NDST3: variants seen among roughly 807,000 people sequenced by gnomAD.
The protein encoded by NDST3 is N-deacetylase and N-sulfotransferase 3, also known as bifunctional heparan sulfate N-deacetylase/N-sulfotransferase 3.
A neutral mutation model predicts 96.1 loss-of-function variants in NDST3; 58 were observed. The ratio of observed to expected loss-of-function variants is 0.60; its 90% CI spans 0.49 to 0.75. The LOEUF (loss-of-function observed/expected upper bound fraction) is 0.75, where lower values mean the gene tolerates loss of function less well. Ranked by LOEUF, NDST3 falls within the 30% of genes least tolerant of loss-of-function variation. NDST3 has a pLI of 0.00. For missense variants in NDST3, 788 were observed against 1,034.2 expected, an observed-to-expected ratio of 0.76 and a Z score of 3.27; for synonymous variants, 333 against 359.7, an observed-to-expected ratio of 0.93 and a Z score of 0.84.
intron 6 of NDST3, among the ~76,000 whole-genome samples, chr4:118,201,121 T>C (rs1176748962): frequency 6.6e-6 from 1 of 152,216 alleles, no homozygotes; most frequent in Non-Finnish European, 1.5e-5. Flanking sequence ...ATGATTTCAT[T>C]TTTTTATAAC....
chr4:118,055,379 A>G (rs1725354896), intron 2 of NDST3: 1 of 186,452 alleles, frequency 5.4e-6, no homozygotes, highest in Admixed American at 5.6e-5. Flanking sequence ...TCTGAAACTG[A>G]AAATCAGTAC....
At chr4:118,235,805 T>A (rs776141303) in intron 9 of NDST3, among the ~76,000 whole-genome samples, 2 of 152,166 alleles carry the variant, frequency 1.3e-5, no homozygotes, top group Non-Finnish European at 2.9e-5. Flanking sequence ...TCTTTCTCCC[T>A]AAAAGGGTGC....
chr4:118,152,174 A>G (rs144595265), intron 6 of NDST3, among the ~76,000 whole-genome samples: 1 of 152,230 alleles, frequency 6.6e-6, no homozygotes, highest in Non-Finnish European at 1.5e-5. Context: ...CAAAAGCATA[A>G]GGAAAACCTG....
chr4:118,164,541 G>T (rs898511838), intron 6 of NDST3, among the ~76,000 whole-genome samples: 1 of 152,022 alleles, frequency 6.6e-6, no homozygotes, highest in African/African-American at 2.4e-5. Flanking sequence ...TACTGAGGGA[G>T]TTTATTACCA....
intron 4 of NDST3, among the ~76,000 whole-genome samples, chr4:118,134,982 G>A (rs2125894997): frequency 6.6e-6 from 1 of 152,288 alleles, no homozygotes; most frequent in African/African-American, 2.4e-5. Flanking sequence ...ACAATCCAGA[G>A]GAGAGTAATC....
At chr4:118,230,272 G>T (rs866325404) in intron 8 of NDST3, among the ~76,000 whole-genome samples, 1 of 152,084 alleles carries the variant, frequency 6.6e-6, no homozygotes, top group African/African-American at 2.4e-5. Flanking sequence ...AGCATCACCA[G>T]AAAATTTATT....
intron 6 of NDST3, among the ~76,000 whole-genome samples, chr4:118,163,895 G>A (rs965861710): frequency 6.6e-6 from 1 of 152,046 alleles, no homozygotes; most frequent in Non-Finnish European, 1.5e-5. Flanking sequence ...GTACACTGTT[G>A]GTGGTAATGT....
chr4:118,237,485 TA>T (rs1740719259), intron 10 of NDST3, among the ~76,000 whole-genome samples: 2 of 152,172 alleles, frequency 1.3e-5, no homozygotes, highest in Admixed American at 1.3e-4. Flanking sequence ...TATAACAAAA[TA>T]TTATGTACTT....
intron 2 of NDST3, among the ~76,000 whole-genome samples, chr4:118,087,369 T>G (rs949830735): frequency 5.9e-5 from 9 of 152,164 alleles, no homozygotes; most frequent in Non-Finnish European, 1.0e-4. Context: ...AGGGAAAGTC[T>G]TAACTCTTTC....
intron 2 of NDST3, among the ~76,000 whole-genome samples, chr4:118,069,485 G>A (rs1726868365): frequency 6.6e-6 from 1 of 151,732 alleles, no homozygotes; most frequent in African/African-American, 2.4e-5. Flanking sequence ...GGGTTTTTTT[G>A]TCTAAATGTC....
intron 1 of NDST3, among the ~76,000 whole-genome samples, chr4:118,034,898 G>T (rs1450328613): frequency 6.6e-6 from 1 of 152,156 alleles, no homozygotes; most frequent in East Asian, 1.9e-4. Context: ...CTGTTTAACA[G>T]AACACATGTC....
chr4:118,050,091 A>G (rs1018365543), intron 1 of NDST3, among the ~76,000 whole-genome samples: 1 of 152,224 alleles, frequency 6.6e-6, no homozygotes, highest in Non-Finnish European at 1.5e-5. Flanking sequence ...ATGCAAATCA[A>G]TAAATGTCAT....
intron 12 of NDST3, among the ~76,000 whole-genome samples, chr4:118,252,886 C>A (rs1386336829): frequency 1.3e-5 from 2 of 151,858 alleles, no homozygotes; most frequent in Non-Finnish European, 2.9e-5. Context: ...ACCAAGACTC[C>A]TTCTCAAAAA....
At chr4:118,084,996 C>G (rs1456519895) in intron 2 of NDST3, among the ~76,000 whole-genome samples, 1 of 152,030 alleles carries the variant, frequency 6.6e-6, no homozygotes, top group Non-Finnish European at 1.5e-5. Flanking sequence ...TGGTGGCAGG[C>G]ACCTGTAGTC....
At chr4:118,230,491 C>T (rs940869061) in intron 8 of NDST3, among the ~76,000 whole-genome samples, 1 of 151,748 alleles carries the variant, frequency 6.6e-6, no homozygotes, top group Non-Finnish European at 1.5e-5. Flanking sequence ...AGGAGAATGG[C>T]GTGAACCCGG....
At chr4:118,193,815 G>C in intron 6 of NDST3, 4 of 1,469,574 alleles carry the variant, frequency 2.7e-6, no homozygotes, top group Non-Finnish European at 3.7e-6. Flanking sequence ...GCCAGGTTGA[G>C]GTAAGAGGCC....
chr4:118,066,201 T>TA (rs1726366789), intron 2 of NDST3, among the ~76,000 whole-genome samples: 2 of 69,920 alleles, frequency 2.9e-5, no homozygotes, highest in African/African-American at 1.1e-4. Flanking sequence ...ATATATTATA[T>TA]TTTATATATT....
At chr4:118,057,309 A>T (rs1285217292) in intron 2 of NDST3, among the ~76,000 whole-genome samples, 1 of 152,014 alleles carries the variant, frequency 6.6e-6, no homozygotes, top group African/African-American at 2.4e-5. Context: ...CATAATAAAA[A>T]TTTCAGTTTT....
At chr4:118,203,995 T>A (rs991115876) in intron 6 of NDST3, among the ~76,000 whole-genome samples, 2 of 152,186 alleles carry the variant, frequency 1.3e-5, no homozygotes, top group Non-Finnish European at 2.9e-5. Context: ...CATTCAGACA[T>A]AAGAGGCCTG....
Sources: gnomAD v4.1 joint callset for allele counts (sites outside exome capture counted in the v4.1 genomes callset) on GRCh38, gnomAD v4.1.1 for gene constraint, MANE v1.5 for transcripts, NCBI Gene and HGNC (gene_info 2026-07-23, HGNC 2026-07-21) for gene names.